TRHDE: variants seen among roughly 807,000 people sequenced by gnomAD.
TRHDE encodes the protein thyrotropin-releasing hormone-degrading ectoenzyme.
In TRHDE, 72 loss-of-function variants were observed where a neutral mutation model predicts 125.7. The observed-to-expected ratio is 0.57, with a 90% CI of 0.47 to 0.70. The LOEUF is 0.70. Ranked by LOEUF, TRHDE falls within the 30% of genes least tolerant of loss-of-function variation. TRHDE has a pLI of 0.00. For synonymous variants in TRHDE, 509 were observed against 509.1 expected (o/e 1.00, Z 0.00); for missense variants, 1,110 against 1,327.1 (o/e 0.84, Z 2.54).
chr12:72,647,333 T>C (rs1220616216), intron 15 of TRHDE, among the ~76,000 whole-genome samples: 1 of 151,946 alleles, frequency 6.6e-6, no homozygotes, highest in Admixed American at 6.6e-5. Flanking sequence ...AAAGCAGTAC[T>C]AAGAGGGAAG....
chr12:72,528,716 T>C (rs1868395668), intron 6 of TRHDE, among the ~76,000 whole-genome samples: 1 of 152,060 alleles, frequency 6.6e-6, no homozygotes, highest in East Asian at 1.9e-4. Flanking sequence ...CTCGAACTCC[T>C]GATCTCGTGA....
chr12:72,309,320 T>A (rs1360264297), intron 2 of TRHDE, among the ~76,000 whole-genome samples: 1 of 152,146 alleles, frequency 6.6e-6, no homozygotes, highest in Non-Finnish European at 1.5e-5. Flanking sequence ...AGAGAGGTAG[T>A]CAGACACAAT....
chr12:72,286,848 G>C lies in TRHDE; in HGVS notation c.1082G>C (p.Trp361Ser). 1 of 1,613,712 alleles carries C rather than the reference G, an allele frequency of 6.2e-7. No individual in the cohort carries two copies. Among genetic ancestry groups the C allele is most frequent in the Non-Finnish European group, 8.5e-7 (1 of 1,179,928 alleles). Residue 361 changes from tryptophan to serine, a missense_variant, in exon 2 of 19, where the codon TGG (tryptophan) becomes TCG (serine). Transcript: ENST00000261180. ...ACTTCCGTGTTTGAGGAAGATGGAT[G>C]GGTTACGGATCACTTTTCACAGACC... ...VETSVFEEDG[W>S]VTDHFSQTPL...
chr12:72,532,830 CT>C (rs1312893558), intron 6 of TRHDE, among the ~76,000 whole-genome samples: 4 of 149,666 alleles, frequency 2.7e-5, no homozygotes, highest in African/African-American at 4.9e-5. Context: ...ATTAACTTGT[CT>C]TTATATTAGT....
intron 6 of TRHDE, among the ~76,000 whole-genome samples, chr12:72,529,037 A>T (rs899020777): frequency 4.6e-5 from 7 of 152,064 alleles, no homozygotes; most frequent in Non-Finnish European, 8.8e-5. Context: ...ACTAAATTTA[A>T]CTTATTTCAT....
chr12:72,231,567 C>T (rs901607341), intron 2 of TRHDE, among the ~76,000 whole-genome samples: 1 of 152,126 alleles, frequency 6.6e-6, no homozygotes, highest in African/African-American at 2.4e-5. Flanking sequence ...TCTTAGAGCC[C>T]AGAAAATGCA....
At position 72,663,790 on chromosome 12, in the gene TRHDE, T is replaced by C. The variant is rs1875011511; in HGVS notation, c.*595T>C. 1 of 152,322 alleles carries C rather than the reference T, an allele frequency of 6.6e-6. No individual in the cohort carries two copies. The highest frequency in any genetic ancestry group is 1.5e-5 in the Non-Finnish European group (1 of 68,028). The allele number at this position is 152,322 out of a possible 1,614,324, so 9.4% of individuals were successfully genotyped here. A position where few individuals can be genotyped will look rare whatever the true frequency, so the allele number is the denominator to read the frequency against. ...TTTCAGCACTTGGATTGTCTGGCAATGATTACTGTGTTGCTAACTCATTTT... is the reference window on the plus strand; with the variant it reads ...TTTCAGCACTTGGATTGTCTGGCAACGATTACTGTGTTGCTAACTCATTTT... On this transcript the variant is annotated 3_prime_UTR_variant, in exon 19 of 19. Transcript: ENST00000261180.
chr12:72,224,953 C>A (rs1040501713), intron 2 of TRHDE, among the ~76,000 whole-genome samples: 8 of 152,032 alleles, frequency 5.3e-5, no homozygotes, highest in Admixed American at 3.3e-4. Flanking sequence ...AGTGTTTATT[C>A]TAATTTATTT....
At chr12:72,350,896 C>T (rs753864150) in intron 2 of TRHDE, among the ~76,000 whole-genome samples, 19 of 152,062 alleles carry the variant, frequency 1.2e-4, no homozygotes, top group Admixed American at 1.1e-3. Flanking sequence ...GAAAGACAGG[C>T]TCATGGTCAA....
At chr12:72,524,041 T>C (rs1211219599) in intron 6 of TRHDE, among the ~76,000 whole-genome samples, 1 of 152,170 alleles carries the variant, frequency 6.6e-6, no homozygotes, top group Non-Finnish European at 1.5e-5. Flanking sequence ...TGGTCTCCAT[T>C]ATCCTCTGCT....
chr12:72,274,148 G>C (rs1310486632), intron 1 of TRHDE, among the ~76,000 whole-genome samples: 3 of 152,178 alleles, frequency 2.0e-5, no homozygotes, highest in Non-Finnish European at 4.4e-5. Flanking sequence ...GGTTTCCAGA[G>C]ATAGGCTGAG....
At chr12:72,091,259 T>C (rs938339628) in intron 1 of TRHDE, among the ~76,000 whole-genome samples, 1 of 152,114 alleles carries the variant, frequency 6.6e-6, no homozygotes, top group Non-Finnish European at 1.5e-5. Flanking sequence ...GAGAGTGTAA[T>C]AAAAGCTGTA....
intron 2 of TRHDE, among the ~76,000 whole-genome samples, chr12:72,295,382 C>T (rs1377829394): frequency 6.6e-6 from 1 of 152,128 alleles, no homozygotes; most frequent in Non-Finnish European, 1.5e-5. Flanking sequence ...CCAGATGGCC[C>T]ACTGCTGCCG....
At chr12:72,308,748 T>G (rs1441090842) in intron 2 of TRHDE, among the ~76,000 whole-genome samples, 1 of 152,232 alleles carries the variant, frequency 6.6e-6, no homozygotes, top group African/African-American at 2.4e-5. Flanking sequence ...AAAACTGTTA[T>G]GCTACCTAAA....
chr12:72,598,761 A>G (rs1408644486), intron 12 of TRHDE, among the ~76,000 whole-genome samples: 1 of 151,864 alleles, frequency 6.6e-6, no homozygotes, highest in East Asian at 1.9e-4. Flanking sequence ...CAGAGGGTAC[A>G]TGTGCAGTTT....
intron 9 of TRHDE, among the ~76,000 whole-genome samples, chr12:72,564,235 C>A (rs1365322573): frequency 6.6e-6 from 1 of 152,146 alleles, no homozygotes; most frequent in African/African-American, 2.4e-5. Flanking sequence ...CCTTTAGGGG[C>A]TGACTCTGTC....
upstream of TRHDE, among the ~76,000 whole-genome samples, chr12:72,270,961 G>C (rs913418721): frequency 6.6e-6 from 1 of 152,188 alleles, no homozygotes; most frequent in South Asian, 2.1e-4. Flanking sequence ...AATGTTCATG[G>C]TAACACTGGA....
intron 2 of TRHDE, among the ~76,000 whole-genome samples, chr12:72,134,428 G>A (rs1027185799): frequency 3.3e-5 from 5 of 152,260 alleles, no homozygotes; most frequent in East Asian, 1.9e-4. Context: ...AAAAATCCAC[G>A]CCAGCCCTGT....
At chr12:72,245,246 TG>T (rs1878554164) in intron 2 of TRHDE, among the ~76,000 whole-genome samples, 1 of 131,510 alleles carries the variant, frequency 7.6e-6, no homozygotes, top group South Asian at 2.6e-4. Flanking sequence ...TGTGTGTATG[TG>T]TGTGTGTGTG....
Sources: gnomAD v4.1 joint callset for allele counts (sites outside exome capture counted in the v4.1 genomes callset) on GRCh38, gnomAD v4.1.1 for gene constraint, MANE v1.5 for transcripts, NCBI Gene and HGNC (gene_info 2026-07-23, HGNC 2026-07-21) for gene names.